The following RALYL variants were observed in gnomAD, a reference collection of about 807,000 sequenced individuals.
RALYL encodes the protein RALY RNA binding protein like.
Under a neutral mutation model 35.1 loss-of-function variants are expected in RALYL, and 29 were observed. The ratio of observed to expected loss-of-function variants is 0.83; its 90% CI spans 0.61 to 1.13. The LOEUF (loss-of-function observed/expected upper bound fraction) is 1.13. Among genes scored for constraint, RALYL ranks in the 50% most tolerant of loss-of-function variants. The pLI, the probability that RALYL is intolerant of heterozygous loss-of-function variation, is 0.00. For synonymous variants in RALYL, 120 were observed against 127.6 expected (o/e 0.94, Z 0.40); for missense variants, 359 against 360.4 (o/e 1.00, Z 0.03).
chr8:84,423,955 T>C (rs1324423716), intron 1 of RALYL, among the ~76,000 whole-genome samples: 20 of 151,842 alleles, frequency 1.3e-4, no homozygotes, highest in South Asian at 8.3e-4. Flanking sequence ...GAGGGTAACC[T>C]GACCTTTCTC....
At chr8:84,639,963 A>G (rs890086385) in intron 2 of RALYL, among the ~76,000 whole-genome samples, 17 of 152,104 alleles carry the variant, frequency 1.1e-4, no homozygotes, top group Admixed American at 9.8e-4. Flanking sequence ...TTAGCTGTCC[A>G]AAACACAAAT....
chr8:84,557,925 A>G (rs1441597254), intron 2 of RALYL, among the ~76,000 whole-genome samples: 2 of 152,226 alleles, frequency 1.3e-5, no homozygotes, highest in African/African-American at 2.4e-5. Flanking sequence ...AAGACAATGT[A>G]GAAGTCTACA....
chr8:84,377,090 G>A (rs557465631), intron 1 of RALYL, among the ~76,000 whole-genome samples: 1 of 151,920 alleles, frequency 6.6e-6, no homozygotes, highest in South Asian at 2.1e-4. Context: ...AGACTAAACA[G>A]ATATATTTTC....
intron 1 of RALYL, among the ~76,000 whole-genome samples, chr8:84,528,454 AAC>A (rs2059058369): frequency 6.6e-6 from 1 of 152,138 alleles, no homozygotes; most frequent in Non-Finnish European, 1.5e-5. Flanking sequence ...AATTTAATTA[AAC>A]ACAGATATTC....
intron 1 of RALYL, among the ~76,000 whole-genome samples, chr8:84,295,357 T>C (rs185081280): frequency 6.6e-6 from 1 of 152,278 alleles, no homozygotes; most frequent in Admixed American, 6.5e-5. Flanking sequence ...AATCAAACCA[T>C]TTTGCTTGGG....
At chr8:84,328,994 A>T (rs1043499176) in intron 1 of RALYL, among the ~76,000 whole-genome samples, 1 of 152,102 alleles carries the variant, frequency 6.6e-6, no homozygotes, top group African/African-American at 2.4e-5. Context: ...CATTTTATTT[A>T]TCCAGTCTAC....
At chr8:84,334,579 G>A (rs73293097) in intron 1 of RALYL, among the ~76,000 whole-genome samples, 1,903 of 151,642 alleles carry the variant, frequency 0.013, 56 homozygotes, top group African/African-American at 0.043. Context: ...TTAATATTAT[G>A]TGTAATTAAA....
intron 2 of RALYL, among the ~76,000 whole-genome samples, chr8:84,575,886 G>T (rs1179525611): frequency 6.6e-6 from 1 of 151,562 alleles, no homozygotes; most frequent in Non-Finnish European, 1.5e-5. Flanking sequence ...CAGGTAATTA[G>T]GAAGCTGTGG....
At chr8:84,264,729 G>C (rs528509242) in intron 1 of RALYL, among the ~76,000 whole-genome samples, 1 of 152,200 alleles carries the variant, frequency 6.6e-6, no homozygotes, top group South Asian at 2.1e-4. Context: ...TAATTGAGGA[G>C]ATAAAATTAA....
chr8:84,201,541 G>T (rs1047831249), intron 1 of RALYL, among the ~76,000 whole-genome samples: 1 of 151,702 alleles, frequency 6.6e-6, no homozygotes, highest in African/African-American at 2.4e-5. Context: ...CTAATTGGGG[G>T]AGTAGTTTTC....
At chr8:84,358,402 C>CTGTG (rs915174102) in intron 1 of RALYL, among the ~76,000 whole-genome samples, 1 of 151,782 alleles carries the variant, frequency 6.6e-6, no homozygotes, top group Non-Finnish European at 1.5e-5. Context: ...AATTGTGTGT[C>CTGTG]TGTGTGTGTG....
intron 4 of RALYL, among the ~76,000 whole-genome samples, chr8:84,834,314 C>T (rs1831509144): frequency 6.6e-6 from 1 of 152,068 alleles, no homozygotes; most frequent in Non-Finnish European, 1.5e-5. Flanking sequence ...AGGGAGAGTA[C>T]TCAAGGGAAA....
chr8:84,394,491 G>T (rs1204158467), intron 1 of RALYL, among the ~76,000 whole-genome samples: 4 of 151,934 alleles, frequency 2.6e-5, no homozygotes, highest in Non-Finnish European at 5.9e-5. Flanking sequence ...GTGCCTCATG[G>T]TTCTTTTTAT....
chr8:84,757,193 T>C (rs1811632132), intron 2 of RALYL, among the ~76,000 whole-genome samples: 1 of 152,154 alleles, frequency 6.6e-6, no homozygotes, highest in African/African-American at 2.4e-5. Flanking sequence ...TTATCTGCTG[T>C]TAATTAAACT....
At chr8:84,214,030 GT>G (rs1447166386) in intron 1 of RALYL, among the ~76,000 whole-genome samples, 2 of 151,992 alleles carry the variant, frequency 1.3e-5, no homozygotes, top group Non-Finnish European at 2.9e-5. Context: ...ACATTATTTG[GT>G]TTTATCTTTA....
At chr8:84,741,779 G>A (rs1174780006) in intron 2 of RALYL, among the ~76,000 whole-genome samples, 2 of 151,936 alleles carry the variant, frequency 1.3e-5, no homozygotes, top group Admixed American at 6.6e-5. Context: ...GCTCCAGAGT[G>A]TATAAACCTT....
intron 7 of RALYL, among the ~76,000 whole-genome samples, chr8:84,876,078 T>A (rs1841081234): frequency 6.6e-6 from 1 of 152,110 alleles, no homozygotes; most frequent in Non-Finnish European, 1.5e-5. Flanking sequence ...TACTTTGGAT[T>A]TTCTATACCT....
At chr8:84,326,080 C>CCAG (rs1178562504) in intron 1 of RALYL, among the ~76,000 whole-genome samples, 1 of 152,090 alleles carries the variant, frequency 6.6e-6, no homozygotes, top group Admixed American at 6.5e-5. Flanking sequence ...CCACTGTACT[C>CCAG]CAGCCTGGGC....
intron 1 of RALYL, among the ~76,000 whole-genome samples, chr8:84,406,158 A>G (rs1007219858): frequency 3.3e-5 from 5 of 151,782 alleles, no homozygotes; most frequent in Non-Finnish European, 4.4e-5. Context: ...GAACTGTTAT[A>G]TGTATGCTTA....
Sources: allele counts gnomAD v4.1 joint callset (sites outside exome capture counted in the v4.1 genomes callset), GRCh38; gene constraint gnomAD v4.1.1; transcripts MANE v1.5; gene names NCBI Gene and HGNC (gene_info 2026-07-23, HGNC 2026-07-21).